Variants in TMEM244 observed in about 807,000 individuals in gnomAD.
TMEM244 encodes putative transmembrane protein 244.
TMEM244 carries 13 observed loss-of-function variants against 15.8 expected under a neutral mutation model. The ratio of observed to expected loss-of-function variants is 0.82; its 90% CI spans 0.53 to 1.30. The LOEUF (loss-of-function observed/expected upper bound fraction) is 1.30, where lower values mean the gene tolerates loss of function less well. Ranked by LOEUF, TMEM244 falls within the 50% of genes most tolerant of loss-of-function variation. TMEM244 has a pLI of 0.00. For synonymous variants in TMEM244, 45 were observed against 48.7 expected, an observed-to-expected ratio of 0.92 and a Z score of 0.32; for missense variants, 161 against 144.9, an observed-to-expected ratio of 1.11 and a Z score of -0.57.
chr6:129,839,445 AT>A (rs771806365), intron 3 of TMEM244, among the ~76,000 whole-genome samples: 10 of 152,244 alleles, frequency 6.6e-5, no homozygotes, highest in Non-Finnish European at 1.5e-4. Flanking sequence ...AAAAAGAGCT[AT>A]TTATGACAAA....
At chr6:129,854,614 G>A (rs760178931) in intron 1 of TMEM244, among the ~76,000 whole-genome samples, 1 of 152,010 alleles carries the variant, frequency 6.6e-6, no homozygotes, top group Non-Finnish European at 1.5e-5. Flanking sequence ...AAAAACAGAG[G>A]CCCAGAGAAA....
chr6:129,857,800 A>T (rs1365017858), intron 1 of TMEM244, among the ~76,000 whole-genome samples: 1 of 149,538 alleles, frequency 6.7e-6, no homozygotes, highest in Non-Finnish European at 1.5e-5. Flanking sequence ...GTGGTTTTTT[A>T]TATATATATA....
chr6:129,842,878 A>G (rs934931819), intron 3 of TMEM244, among the ~76,000 whole-genome samples: 3 of 151,446 alleles, frequency 2.0e-5, no homozygotes, highest in African/African-American at 7.3e-5. Flanking sequence ...GTGAAGGTTT[A>G]CAAACATACT....
intron 4 of TMEM244, among the ~76,000 whole-genome samples, chr6:129,832,926 A>C (rs1236404257): frequency 6.6e-6 from 1 of 152,144 alleles, no homozygotes; most frequent in African/African-American, 2.4e-5. Flanking sequence ...TCAGGGAAGG[A>C]TTTTGGAGGA....
At chr6:129,852,802 T>A (rs73778844) in intron 1 of TMEM244, among the ~76,000 whole-genome samples, 69 of 152,182 alleles carry the variant, frequency 4.5e-4, no homozygotes, top group African/African-American at 1.6e-3. Flanking sequence ...CTAGGTAATC[T>A]TCTCCTGACT....
At chr6:129,831,734 G>T (rs1776331297) in intron 4 of TMEM244, among the ~76,000 whole-genome samples, 1 of 152,156 alleles carries the variant, frequency 6.6e-6, no homozygotes, top group Non-Finnish European at 1.5e-5. Flanking sequence ...CTGTCCAGTA[G>T]TCATTTGTTA....
chr6:129,857,990 T>A (rs1776741736), intron 1 of TMEM244, among the ~76,000 whole-genome samples: 1 of 152,020 alleles, frequency 6.6e-6, no homozygotes, highest in African/African-American at 2.4e-5. Context: ...AAGATGGTCA[T>A]ATGATTTTCT....
At chr6:129,851,239 A>G (rs1776634440) in intron 1 of TMEM244, among the ~76,000 whole-genome samples, 1 of 152,036 alleles carries the variant, frequency 6.6e-6, no homozygotes, top group Non-Finnish European at 1.5e-5. Flanking sequence ...CCTCCCACCC[A>G]GAAGTTCACA....
intron 4 of TMEM244, 37 bp from the exon 5 acceptor site, chr6:129,831,423 C>A (rs758398986): frequency 1.4e-6 from 2 of 1,390,472 alleles, no homozygotes; most frequent in Non-Finnish European, 1.0e-6. Context: ...TCAAAACATG[C>A]GTTTTTATAT....
intron 1 of TMEM244, 88 bp downstream of exon 1, chr6:129,861,068 G>T: frequency 1.4e-6 from 2 of 1,451,046 alleles, no homozygotes; most frequent in South Asian, 2.4e-5. Context: ...GTTGCCCACT[G>T]ACAGAGAGGC....
intron 4 of TMEM244, among the ~76,000 whole-genome samples, chr6:129,831,645 T>C (rs1562194290): frequency 4.6e-5 from 7 of 151,946 alleles, no homozygotes; most frequent in Admixed American, 3.9e-4. Flanking sequence ...TGATTTTAAG[T>C]GATGATCCTC....
intron 4 of TMEM244, among the ~76,000 whole-genome samples, chr6:129,832,523 C>T (rs1156772914): frequency 1.3e-5 from 2 of 151,872 alleles, no homozygotes; most frequent in African/African-American, 2.4e-5. Flanking sequence ...TTTTGACTGA[C>T]ATGCTTTAAA....
chr6:129,834,848 A>G (rs1216722165), intron 3 of TMEM244, among the ~76,000 whole-genome samples: 2 of 151,964 alleles, frequency 1.3e-5, no homozygotes, highest in Middle Eastern at 3.2e-3. Flanking sequence ...TCCCTCCCCT[A>G]CTGGTTTACA....
intron 3 of TMEM244, among the ~76,000 whole-genome samples, chr6:129,834,769 C>A (rs1776379740): frequency 6.6e-6 from 1 of 152,136 alleles, no homozygotes; most frequent in Non-Finnish European, 1.5e-5. Flanking sequence ...GCCCTGCCAC[C>A]TAATATCCAG....
Position 129,845,774 on chromosome 6 carries a change from T to A in TMEM244, c.112A>T (p.Met38Leu), listed in dbSNP as rs145670153. The A allele has an allele frequency of 8.3e-5, 134 of 1,610,822 alleles. No individual in the cohort carries two copies. In the African/African-American group the frequency reaches 1.7e-3, roughly 20 times the overall value. The stretch of plus-strand genomic sequence containing the variant: ...AGACAATGTGCTACTTACTCAAACA[T>A]CACGCAGCCCATGCTCAGGGACACA... Reference protein sequence around the residue: ...YYVSLSMGCVMFEVHELNVLA... With the variant: ...YYVSLSMGCVLFEVHELNVLA... The change falls in exon 2 of 5, where the codon ATG (methionine) becomes TTG (leucine). Residue 38 changes from methionine to leucine, a missense_variant. Physicochemically the swap from Met to Leu is conservative, Grantham distance 15 (BLOSUM62 2). Transcript: ENST00000368143.
intron 1 of TMEM244, among the ~76,000 whole-genome samples, chr6:129,850,378 G>C (rs1295715277): frequency 6.6e-6 from 1 of 152,168 alleles, no homozygotes; most frequent in East Asian, 1.9e-4. Context: ...ATTAGGTCGG[G>C]AAAGTATTTA....
intron 1 of TMEM244, among the ~76,000 whole-genome samples, chr6:129,853,842 CT>C (rs1326415803): frequency 6.6e-6 from 1 of 152,150 alleles, no homozygotes; most frequent in Non-Finnish European, 1.5e-5. Flanking sequence ...GGATTCAGAG[CT>C]TAAGTGGAGC....
In TMEM244 at chr6:129,861,138, G is replaced by T; in HGVS notation, c.33+18C>A. ...GGCAGCAACTGAAAGGCAATGCAAA[G>T]AAGTAATTTCTCTTTACCTTGCTTG... On this transcript the variant is annotated intron_variant, in intron 1 of 4. Transcript: ENST00000368143. The T allele has an allele frequency of 6.2e-7, 1 of 1,613,574 alleles. No homozygotes were observed. The highest frequency in any genetic ancestry group is 8.5e-7 in the Non-Finnish European group (1 of 1,179,612).
chr6:129,849,848 C>T (rs1357133493), intron 1 of TMEM244, among the ~76,000 whole-genome samples: 1 of 152,034 alleles, frequency 6.6e-6, no homozygotes, highest in Non-Finnish European at 1.5e-5. Context: ...AAGCGAGACG[C>T]CAGCAGAGAA....
Sources: allele counts gnomAD v4.1 joint callset (sites outside exome capture counted in the v4.1 genomes callset), GRCh38; gene constraint gnomAD v4.1.1; transcripts MANE v1.5; gene names NCBI Gene and HGNC (gene_info 2026-07-23, HGNC 2026-07-21).